ASXL3: variants seen among roughly 807,000 people sequenced by gnomAD.
ASXL3 encodes the protein ASXL transcriptional regulator 3.
ASXL3 carries 34 observed loss-of-function variants against 170.6 expected under a neutral mutation model. That is an observed-to-expected ratio of 0.20 (90% CI 0.15 to 0.27). The LOEUF (loss-of-function observed/expected upper bound fraction) is 0.27. Among genes scored for constraint, ASXL3 ranks in the 10% least tolerant of loss-of-function variants. The pLI, the probability that ASXL3 is intolerant of heterozygous loss-of-function variation, is 1.00. For missense variants in ASXL3, 2,592 were observed against 2,695.3 expected (o/e 0.96, Z 0.85); for synonymous variants, 1,002 against 989.1 (o/e 1.01, Z -0.24).
chr18:33,629,016 C>T (rs2065640144), intron 2 of ASXL3, among the ~76,000 whole-genome samples: 1 of 152,092 alleles, frequency 6.6e-6, no homozygotes, highest in South Asian at 2.1e-4. Context: ...TGGACGTTGA[C>T]ACTAGAAAGG....
chr18:33,623,935 G>T lies in ASXL3; in HGVS notation c.137+16259G>T, dbSNP rs557178629. ...GCACATTGGGAGGCCATGGCAGGAG[G>T]ATGGCTTGAGGCCAGGAGTTTAAGA... On this transcript the variant is annotated intron_variant, in intron 2 of 11. Coordinates refer to ENST00000269197, the MANE Select transcript of ASXL3 (RefSeq NM_030632.3). 2.6e-5 allele frequency among the ~76,000 whole-genome samples: 4 copies of T among 152,282 alleles called. No individual in the cohort carries two copies. In the South Asian group the frequency reaches 8.3e-4, roughly 32 times the overall value.
At chr18:33,736,548 A>G (rs546482469) in intron 10 of ASXL3, among the ~76,000 whole-genome samples, 1 of 151,870 alleles carries the variant, frequency 6.6e-6, no homozygotes, top group Admixed American at 6.6e-5. Flanking sequence ...GTGCCTTTTC[A>G]TTGCTGTACG....
chr18:33,742,290 A>G (rs1039660282), intron 11 of ASXL3, among the ~76,000 whole-genome samples: 3 of 152,246 alleles, frequency 2.0e-5, no homozygotes, highest in Non-Finnish European at 4.4e-5. Context: ...TCTTATATGT[A>G]TAAAGCAGCA....
At chr18:33,647,506 T>C (rs1402006227) in intron 4 of ASXL3, among the ~76,000 whole-genome samples, 1 of 152,058 alleles carries the variant, frequency 6.6e-6, no homozygotes, top group Non-Finnish European at 1.5e-5. Flanking sequence ...GGCTGGTCTT[T>C]GTGATTAGAG....
Position 33,738,484 on chromosome 18 carries a change from C to A in ASXL3, c.1083-3C>A. On this transcript the variant is annotated splice_polypyrimidine_tract_variant and splice_region_variant and intron_variant, in intron 10 of 11. Coordinates refer to ENST00000269197, the MANE Select transcript of ASXL3 (RefSeq NM_030632.3). ...CAATAATTTATTTCTAATTTCTGTA[C>A]AGGCTGGGCATGTCAAGAGAGGAAT... 1 of 1,588,226 alleles carries A rather than the reference C, an allele frequency of 6.3e-7. No individual in the cohort carries two copies.
Position 33,745,914 on chromosome 18 carries a change from T to TCCA in ASXL3, c.6068_6069insACC (p.Pro2028dup). 7.5e-7 allele frequency: 1 copy of TCCA among 1,339,480 alleles called. No homozygotes were observed. Among genetic ancestry groups the TCCA allele is most frequent in the Non-Finnish European group, 1.0e-6 (1 of 1,002,924 alleles). The allele number at this position is 1,339,480 out of a possible 1,614,324, so 83.0% of individuals were successfully genotyped here. The stretch of plus-strand genomic sequence containing the variant: ...TAGTACATCCGCCGCCGCCACCGCC[T>TCCA]CCCCCTCCCCCTCCACCCTTGGCTT... On this transcript the variant is annotated inframe_insertion, in exon 12 of 12. Coordinates refer to ENST00000269197, the MANE Select transcript of ASXL3 (RefSeq NM_030632.3).
intron 2 of ASXL3, among the ~76,000 whole-genome samples, chr18:33,613,029 T>G (rs1300107500): frequency 2.0e-5 from 3 of 152,048 alleles, no homozygotes; most frequent in African/African-American, 4.8e-5. Flanking sequence ...TATGAGACAA[T>G]GGTGTTATTA....
At chr18:33,586,859 T>C (rs1483743427) in intron 1 of ASXL3, among the ~76,000 whole-genome samples, 2 of 152,224 alleles carry the variant, frequency 1.3e-5, no homozygotes, top group East Asian at 3.8e-4. Flanking sequence ...AATTGTGTCA[T>C]GCATTGGGCA....
In ASXL3 at chr18:33,578,664, C is replaced by G; in HGVS notation, c.33C>G (p.Thr11=). MKDKRKKKDR[T]WAEAARLALE... The stretch of plus-strand genomic sequence containing the variant: ...ACAAGAGGAAGAAGAAGGACCGCAC[C>G]TGGGCCGAGGCTGCCCGCCTGGTAC... The change falls in exon 1 of 12, where the codon ACC becomes ACG. Residue 11 remains threonine, a synonymous_variant. Coordinates refer to ENST00000269197, the MANE Select transcript of ASXL3 (RefSeq NM_030632.3). The G allele has an allele frequency of 1.5e-6, 2 of 1,357,264 alleles. No homozygotes were observed. Among genetic ancestry groups the G allele is most frequent in the Non-Finnish European group, 9.7e-7 (1 of 1,029,838 alleles). 84.1% of individuals were successfully genotyped at this position (1,357,264 alleles called of 1,614,324 possible).
In ASXL3 at chr18:33,739,700, C is replaced by T. The variant is rs1451382210; in HGVS notation, c.2296C>T (p.His766Tyr). ...CTCTTCCATAAATGAGAGAATGGCA[C>T]ATCAGCAAAGAAAGTCACCTTCTGT... ...SNSSINERMA[H>Y]QQRKSPSVSE... The change falls in exon 11 of 12, where the codon CAT becomes TAT. Residue 766 changes from histidine (H) to tyrosine (Y), a missense_variant. Coordinates refer to ENST00000269197, the MANE Select transcript of ASXL3 (RefSeq NM_030632.3). The T allele has an allele frequency of 2.5e-6, 4 of 1,613,776 alleles. No homozygotes were observed. Among genetic ancestry groups the T allele is most frequent in the Non-Finnish European group, 3.4e-6 (4 of 1,179,884 alleles).
intron 5 of ASXL3, among the ~76,000 whole-genome samples, chr18:33,663,382 G>A (rs1158701374): frequency 6.6e-6 from 1 of 151,958 alleles, no homozygotes; most frequent in Non-Finnish European, 1.5e-5. Flanking sequence ...AAATATAAAG[G>A]TACAACTCTC....
At chr18:33,586,757 G>T (rs1268818245) in intron 1 of ASXL3, among the ~76,000 whole-genome samples, 1 of 152,028 alleles carries the variant, frequency 6.6e-6, no homozygotes, top group Non-Finnish European at 1.5e-5. Flanking sequence ...TTAGAATTTT[G>T]TTAATAATTC....
intron 3 of ASXL3, among the ~76,000 whole-genome samples, chr18:33,645,742 A>G (rs2065905688): frequency 8.1e-6 from 1 of 123,250 alleles, no homozygotes. Context: ...AAAGTTCATT[A>G]ACTACATGTG....
At chr18:33,669,582 T>G (rs2066308751) in intron 5 of ASXL3, among the ~76,000 whole-genome samples, 2 of 152,142 alleles carry the variant, frequency 1.3e-5, no homozygotes, top group Non-Finnish European at 2.9e-5. Flanking sequence ...GTTGACAAGT[T>G]GGACATCAGC....
chr18:33,594,214 A>G (rs754118629), intron 1 of ASXL3, among the ~76,000 whole-genome samples: 5 of 152,202 alleles, frequency 3.3e-5, no homozygotes, highest in Admixed American at 3.3e-4. Flanking sequence ...CTGAATGGCA[A>G]CCTCTGGGAA....
At chr18:33,697,754 A>G (rs6507055) in intron 8 of ASXL3, among the ~76,000 whole-genome samples, 2,859 of 152,112 alleles carry the variant, frequency 0.019, 97 homozygotes, top group African/African-American at 0.066. Context: ...CTGTAATCCT[A>G]GCACTTTGAG....
At chr18:33,608,774 T>A (rs1301295497) in intron 2 of ASXL3, among the ~76,000 whole-genome samples, 5 of 151,972 alleles carry the variant, frequency 3.3e-5, no homozygotes, top group African/African-American at 1.2e-4. Context: ...TAGAAACTGC[T>A]AAGATAAATA....
At chr18:33,671,962 A>G in intron 7 of ASXL3, 96 bp downstream of exon 7, 1 of 1,265,348 alleles carries the variant, frequency 7.9e-7, no homozygotes, top group Non-Finnish European at 1.1e-6. Context: ...TTAATGATTA[A>G]ACAAGGAAAT....
intron 1 of ASXL3, among the ~76,000 whole-genome samples, chr18:33,601,160 A>G (rs925179897): frequency 1.3e-5 from 2 of 152,152 alleles, no homozygotes; most frequent in African/African-American, 4.8e-5. Context: ...TAACTAGTGA[A>G]GTTTACTTAG....
Sources: gnomAD v4.1 joint callset for allele counts (sites outside exome capture counted in the v4.1 genomes callset) on GRCh38, gnomAD v4.1.1 for gene constraint, MANE v1.5 for transcripts, NCBI Gene and HGNC (gene_info 2026-07-23, HGNC 2026-07-21) for gene names.